The following IRAG1 variants were observed in gnomAD, a reference collection of about 807,000 sequenced individuals.
IRAG1 encodes IP3R-associated cGMP kinase substrate.
In IRAG1, 62 loss-of-function variants were observed where a neutral mutation model predicts 106.2. The observed-to-expected ratio is 0.58, with a 90% CI of 0.48 to 0.72. The LOEUF is 0.72. Among genes scored for constraint, IRAG1 ranks in the 30% least tolerant of loss-of-function variants. The probability of loss-of-function intolerance (pLI) is 0.00; values close to 1 mark genes in which losing one functional copy is unlikely to be tolerated. For missense variants in IRAG1, 1,064 were observed against 1,140.7 expected, an observed-to-expected ratio of 0.93 and a Z score of 0.97; for synonymous variants, 462 against 443.9, an observed-to-expected ratio of 1.04 and a Z score of -0.51.
At position 10,662,350 on chromosome 11, in the gene IRAG1, C is replaced by T. The variant is rs533467195; in HGVS notation, c.68-10168G>A. Among the ~76,000 whole-genome samples, 9 of 152,272 alleles carry T rather than the reference C, an allele frequency of 5.9e-5. No homozygotes were observed. The East Asian group carries it at 1.7e-3, about 29-fold the overall frequency. On this transcript the variant is annotated intron_variant, in intron 1 of 20. Transcript: ENST00000423302. ...TCCCCAGGTTAATGGCCAAGTTTTT[C>T]TCTCTCTCGATGATGTACCCGGGTT...
chr11:10,691,671 G>A (rs557688565), intron 1 of IRAG1, among the ~76,000 whole-genome samples: 25 of 151,566 alleles, frequency 1.6e-4, no homozygotes, highest in Non-Finnish European at 2.8e-4. Flanking sequence ...GTCCTCACCT[G>A]GAGCAGTAAG....
chr11:10,594,114 C>T, intron 16 of IRAG1, 32 bp downstream of exon 16: 2 of 1,583,506 alleles, frequency 1.3e-6, no homozygotes, highest in African/African-American at 1.3e-5. Context: ...ATACTCCTTC[C>T]AGGAGCCCTG....
At chr11:10,650,848 C>T (rs553481768) in intron 2 of IRAG1, among the ~76,000 whole-genome samples, 1 of 152,350 alleles carries the variant, frequency 6.6e-6, no homozygotes, top group Non-Finnish European at 1.5e-5. Flanking sequence ...AGTTCTGCAA[C>T]ATCTTAATCC....
chr11:10,621,941 G>A lies in IRAG1; in HGVS notation c.1447+1837C>T, dbSNP rs1479453000. On this transcript the variant is annotated intron_variant, in intron 10 of 20. Coordinates refer to ENST00000423302, the MANE Select transcript of IRAG1 (RefSeq NM_130385.4). ...CAGAAAGTAGAAGGTGATCACCAGG[G>A]GCTGGGGAGGGAGGGAATAAAGAGT... Among the ~76,000 whole-genome samples, 4 of 152,150 alleles carry A rather than the reference G, an allele frequency of 2.6e-5. No homozygotes were observed. In the East Asian group the frequency reaches 7.7e-4, roughly 29 times the overall value.
chr11:10,668,082 C>T (rs937522526), intron 1 of IRAG1, among the ~76,000 whole-genome samples: 43 of 152,206 alleles, frequency 2.8e-4, no homozygotes, highest in South Asian at 6.2e-4. Context: ...GTGTCACTCC[C>T]TCTGCCTAGA....
Position 10,628,003 on chromosome 11 carries a change from C to G in IRAG1, c.675G>C (p.Pro225=). Residue 225 remains proline, a synonymous_variant, in exon 7 of 21, where the codon CCG becomes CCC. Coordinates refer to ENST00000423302, the MANE Select transcript of IRAG1 (RefSeq NM_130385.4). This position sits in a 1 kb window ranked among gnomAD's most constrained non-coding sequence, Gnocchi z 4.1. ...TPPGLDVCSG[P]PSPLPGAPPQ... is the part of the protein sequence containing the mutation. ...GTGGTGCTCCAGGCAGAGGGGATGG[C>G]GGGCCACTGCACACATCCAAACCTG... 6.2e-7 allele frequency: 1 copy of G among 1,611,238 alleles called. No homozygotes were observed. The highest frequency in any genetic ancestry group is 8.5e-7 in the Non-Finnish European group (1 of 1,178,120).
chr11:10,652,034 AG>A lies in IRAG1; in HGVS notation c.215del (p.Pro72LeufsTer21). The part of the protein sequence containing the change: ...PPGEPQAAQS[P>X]AGQGPPAAGV... ...GGGAGGGGGCACTTACTTGGCCGGCAGGGCTCTGGGCTGCCTGTGGCTCTCC... is the reference window on the plus strand; with the variant it reads ...GGGAGGGGGCACTTACTTGGCCGGCAGGCTCTGGGCTGCCTGTGGCTCTCC... On this transcript the variant is annotated frameshift_variant, in exon 2 of 21. Transcript: ENST00000423302. LOFTEE classifies it high-confidence loss of function. The A allele has an allele frequency of 6.3e-7, 1 of 1,574,992 alleles. No homozygotes were observed. Among genetic ancestry groups the A allele is most frequent in the Non-Finnish European group, 8.6e-7 (1 of 1,161,474 alleles).
chr11:10,690,467 G>A (rs1184511861), intron 1 of IRAG1: 3 of 1,251,186 alleles, frequency 2.4e-6, no homozygotes, highest in African/African-American at 1.6e-5. Flanking sequence ...CTTGTCCAGG[G>A]TCATGGGCGT....
rs776350113 is a variant in IRAG1, at chr11:10,626,504, G to A, written c.830C>T (p.Pro277Leu). The A allele has an allele frequency of 3.1e-6, 5 of 1,613,380 alleles. No homozygotes were observed. The Admixed American group carries it at 6.7e-5, about 22-fold the overall frequency. ...AATCTCTTTGGACTTCTCAACTGGA[G>A]GAGGACGAGGAGCCAGCCTGCCCTG... Reference protein sequence around the residue: ...VSQGRLAPRPPPVEKSKEIAI... With the variant: ...VSQGRLAPRPLPVEKSKEIAI... The change falls in exon 9 of 21, where the codon CCT becomes CTT. Residue 277 changes from proline to leucine, a missense_variant. Transcript: ENST00000423302.
chr11:10,671,582 C>T (rs930997005), intron 1 of IRAG1, among the ~76,000 whole-genome samples: 3 of 151,888 alleles, frequency 2.0e-5, no homozygotes, highest in Admixed American at 6.6e-5. Context: ...CATGGTGGCG[C>T]GCACCTGTAG....
intron 1 of IRAG1, chr11:10,690,408 C>A (rs1407393811): frequency 7.8e-7 from 1 of 1,285,948 alleles, no homozygotes; most frequent in Non-Finnish European, 1.0e-6. Context: ...GACCAACTGT[C>A]CTCTGCTTTC....
rs1007690789 is a variant in IRAG1 at position 10,659,197 on chromosome 11, T to C, written c.68-7015A>G. Among the ~76,000 whole-genome samples, 2 of 152,160 alleles carry C rather than the reference T, an allele frequency of 1.3e-5. No individual in the cohort carries two copies. The highest frequency in any genetic ancestry group is 4.8e-5 in the African/African-American group (2 of 41,446). ...ATGAGGCCTAGTGTGGAATCCCTCC[T>C]GGAAGAGAGCCAGCCACAGTGTCTG... On this transcript the variant is annotated intron_variant, in intron 1 of 20. Coordinates refer to ENST00000423302, the MANE Select transcript of IRAG1 (RefSeq NM_130385.4). The surrounding 1 kb of genome is among the most constrained non-coding windows in gnomAD (Gnocchi z 4.1).
chr11:10,669,577 A>ACTC, intron 1 of IRAG1, among the ~76,000 whole-genome samples: 1 of 152,220 alleles, frequency 6.6e-6, no homozygotes, highest in African/African-American at 2.4e-5. Flanking sequence ...AGATAAGAAA[A>ACTC]TGCCATGGTG....
At chr11:10,642,223 C>T (rs1274207660) in intron 2 of IRAG1, among the ~76,000 whole-genome samples, 1 of 152,236 alleles carries the variant, frequency 6.6e-6, no homozygotes, top group Non-Finnish European at 1.5e-5. Flanking sequence ...CCAGCAAGCT[C>T]ACCCTCTAAT....
At chr11:10,624,611 C>A (rs1399163309) in intron 9 of IRAG1, among the ~76,000 whole-genome samples, 1 of 146,994 alleles carries the variant, frequency 6.8e-6, no homozygotes. Context: ...ATGGTTTGTC[C>A]CCCGAGAAGG....
chr11:10,616,193 C>T (rs58461960), intron 10 of IRAG1, among the ~76,000 whole-genome samples: 7,251 of 149,334 alleles, frequency 0.049, 378 homozygotes, highest in African/African-American at 0.13. Flanking sequence ...TAGTCCCGGC[C>T]GAGGAAGGAG....
rs562554309 is a variant in IRAG1, at chr11:10,651,807, G to A, written c.225+218C>T. ...TCAGTCAGACACAGCCTAGATGGTT[G>A]GTTCTATACCCAGAATATTTGGGGC... On this transcript the variant is annotated intron_variant, in intron 2 of 20. Coordinates refer to ENST00000423302, the MANE Select transcript of IRAG1 (RefSeq NM_130385.4). Among the ~76,000 whole-genome samples the A allele has an allele frequency of 3.9e-5, 6 of 152,314 alleles. No individual in the cohort carries two copies. The South Asian group carries it at 1.0e-3, about 26-fold the overall frequency.
chr11:10,687,880 G>C (rs1290864187), intron 1 of IRAG1: 11 of 1,059,464 alleles, frequency 1.0e-5, no homozygotes, highest in African/African-American at 5.1e-5. Context: ...TTTTTTTGGG[G>C]GGGGGTGGTA....
intron 15 of IRAG1, among the ~76,000 whole-genome samples, chr11:10,598,474 C>CT (rs1461966483): frequency 6.6e-6 from 1 of 152,164 alleles, no homozygotes; most frequent in African/African-American, 2.4e-5. Context: ...AACTACCAAG[C>CT]TTACAAGTGG....
Sources: allele counts gnomAD v4.1 joint callset (sites outside exome capture counted in the v4.1 genomes callset), GRCh38; gene constraint gnomAD v4.1.1; non-coding constraint Gnocchi (gnomAD v3.1); transcripts MANE v1.5; gene names NCBI Gene and HGNC (gene_info 2026-07-23, HGNC 2026-07-21).